GNA14: variants seen among roughly 807,000 people sequenced by gnomAD.
GNA14 encodes G protein subunit alpha 14.
In GNA14, 50 loss-of-function variants were observed where a neutral mutation model predicts 42.0. That is an observed-to-expected ratio of 1.19 (90% confidence interval 0.95 to 1.51). GNA14 has a LOEUF of 1.51. Ranked by LOEUF, GNA14 falls within the 40% of genes most tolerant of loss-of-function variation. The pLI is 0.00. For synonymous variants in GNA14, 173 were observed against 163.1 expected, an observed-to-expected ratio of 1.06 and a Z score of -0.46; for missense variants, 473 against 446.2, an observed-to-expected ratio of 1.06 and a Z score of -0.54.
intron 2 of GNA14, among the ~76,000 whole-genome samples, chr9:77,478,725 TG>T (rs1836483385): frequency 6.6e-6 from 1 of 152,134 alleles, no homozygotes; most frequent in Non-Finnish European, 1.5e-5. Flanking sequence ...CCATTCTAAC[TG>T]GTGTGAGATG....
intron 6 of GNA14, 88 bp downstream of exon 6, chr9:77,425,473 GC>G (rs1447659002): frequency 1.1e-5 from 10 of 882,496 alleles, no homozygotes; most frequent in Non-Finnish European, 1.6e-5. Flanking sequence ...GACCAGGGAG[GC>G]CCCTTTGAGC....
At chr9:77,470,083 G>A (rs1454921270) in intron 2 of GNA14, among the ~76,000 whole-genome samples, 2 of 152,174 alleles carry the variant, frequency 1.3e-5, no homozygotes, top group African/African-American at 4.8e-5. Flanking sequence ...GTTTTGGACA[G>A]CAAGGAGTTA....
intron 2 of GNA14, among the ~76,000 whole-genome samples, chr9:77,507,584 T>G (rs543768833): frequency 2.1e-4 from 32 of 152,308 alleles, no homozygotes; most frequent in Middle Eastern, 3.4e-3. Context: ...TCTGTTTTCA[T>G]TGAGTCTAAC....
At chr9:77,597,203 T>C (rs1409409220) in intron 1 of GNA14, among the ~76,000 whole-genome samples, 12 of 152,208 alleles carry the variant, frequency 7.9e-5, no homozygotes, top group Admixed American at 7.9e-4. Context: ...GTTACAGCTA[T>C]TGGCAGCACT....
chr9:77,461,177 C>T (rs1028985668), intron 2 of GNA14, among the ~76,000 whole-genome samples: 2 of 152,160 alleles, frequency 1.3e-5, no homozygotes, highest in East Asian at 3.9e-4. Flanking sequence ...GGGTGGCATC[C>T]GCGCTGTGAG....
chr9:77,512,893 A>G (rs1346795509), intron 2 of GNA14, among the ~76,000 whole-genome samples: 3 of 152,230 alleles, frequency 2.0e-5, no homozygotes, highest in Non-Finnish European at 1.5e-5. Context: ...AGCAAAATAA[A>G]TTTGAAATAA....
intron 1 of GNA14, among the ~76,000 whole-genome samples, chr9:77,611,928 A>T (rs1823741115): frequency 6.6e-6 from 1 of 152,304 alleles, no homozygotes; most frequent in South Asian, 2.1e-4. Context: ...CCTAAACTTC[A>T]GTTGCCCCCA....
At chr9:77,506,916 C>T (rs536910817) in intron 2 of GNA14, among the ~76,000 whole-genome samples, 2 of 152,268 alleles carry the variant, frequency 1.3e-5, no homozygotes, top group South Asian at 4.1e-4. Flanking sequence ...TCCACCTATC[C>T]CAGGACTCTT....
At chr9:77,641,092 GAGGGGGGGGAAGGAAGGAAGGAAGGA>G (rs1824254596) in intron 1 of GNA14, among the ~76,000 whole-genome samples, 1 of 25,792 alleles carries the variant, frequency 3.9e-5, no homozygotes, top group African/African-American at 3.7e-4. Context: ...GAGGGGAGGG[GAGGGGGGGGAAGGAAGGAAGGAAGGA>G]AGGAAGGAAG....
chr9:77,531,757 T>A (rs998887210), intron 1 of GNA14, among the ~76,000 whole-genome samples: 9 of 152,134 alleles, frequency 5.9e-5, no homozygotes, highest in Non-Finnish European at 2.9e-5. Context: ...ACTTACAATG[T>A]TATTAATAGT....
intron 1 of GNA14, among the ~76,000 whole-genome samples, chr9:77,644,336 C>T (rs1824317223): frequency 6.7e-6 from 1 of 149,652 alleles, no homozygotes; most frequent in South Asian, 2.1e-4. Flanking sequence ...CGCCTATAGT[C>T]CCAACTACTA....
chr9:77,447,351 C>T (rs1025010784), intron 2 of GNA14, among the ~76,000 whole-genome samples: 2 of 152,210 alleles, frequency 1.3e-5, no homozygotes, highest in Non-Finnish European at 2.9e-5. Context: ...ACCCAAACTA[C>T]AGTACTGCTT....
At chr9:77,602,280 T>G (rs1451135807) in intron 1 of GNA14, among the ~76,000 whole-genome samples, 1 of 152,216 alleles carries the variant, frequency 6.6e-6, no homozygotes, top group African/African-American at 2.4e-5. Flanking sequence ...ATCCATGAAT[T>G]CAGAGGTGAA....
chr9:77,499,071 T>C (rs1233415578), intron 2 of GNA14, among the ~76,000 whole-genome samples: 1 of 152,070 alleles, frequency 6.6e-6, no homozygotes, highest in East Asian at 1.9e-4. Flanking sequence ...ATGGGAAAAA[T>C]GCTACTATGT....
Position 77,515,960 on chromosome 9 carries a change from C to CAAAAAAAAAAAAAAAA in GNA14, c.309+13093_309+13108dup, listed in dbSNP as rs1158448237. Among the ~76,000 whole-genome samples, 158 of 52,720 alleles carry CAAAAAAAAAAAAAAAA rather than the reference C, an allele frequency of 3.0e-3. 21 individuals are homozygous for CAAAAAAAAAAAAAAAA. The highest frequency in any genetic ancestry group is 7.1e-3 in the East Asian group (8 of 1,122). 34.6% of individuals were successfully genotyped at this position (52,720 alleles called of 152,430 possible). ...GGCAACGCAGCAAGACCCTGTCTCA[C>CAAAAAAAAAAAAAAAA]AAAAAAAAAAAAAAAAAAAAAAACC... On this transcript the variant is annotated intron_variant, in intron 2 of 6. Transcript: ENST00000341700.
intron 2 of GNA14, among the ~76,000 whole-genome samples, chr9:77,528,389 C>G (rs1280042891): frequency 6.6e-6 from 1 of 152,078 alleles, no homozygotes. Flanking sequence ...GTATTATTCT[C>G]CTCTGGATTT....
chr9:77,643,553 C>T (rs1185832521), intron 1 of GNA14, among the ~76,000 whole-genome samples: 1 of 152,146 alleles, frequency 6.6e-6, no homozygotes, highest in Non-Finnish European at 1.5e-5. Flanking sequence ...TTGTCACTTT[C>T]TACCTTAAAA....
rs1273870347 is a variant in GNA14, at chr9:77,499,554, A to T, written c.309+29515T>A. Among the ~76,000 whole-genome samples, 3 of 152,140 alleles carry T rather than the reference A, an allele frequency of 2.0e-5. No homozygotes were observed. In the East Asian group the frequency reaches 5.8e-4, roughly 29 times the overall value. ...ACAAAAAGGCCACATAGCATATATA[A>T]ACATTTAAAAGAATGGCCGGGCACA... On this transcript the variant is annotated intron_variant, in intron 2 of 6. Coordinates refer to ENST00000341700, the MANE Select transcript of GNA14 (RefSeq NM_004297.4).
intron 1 of GNA14, among the ~76,000 whole-genome samples, chr9:77,586,642 G>A (rs1255855887): frequency 1.3e-5 from 2 of 152,216 alleles, no homozygotes; most frequent in African/African-American, 4.8e-5. Flanking sequence ...TCTAGTCCGT[G>A]GCAAAGTGCA....
Sources: gnomAD v4.1 joint callset for allele counts (sites outside exome capture counted in the v4.1 genomes callset) on GRCh38, gnomAD v4.1.1 for gene constraint, MANE v1.5 for transcripts, NCBI Gene and HGNC (gene_info 2026-07-23, HGNC 2026-07-21) for gene names.